CCDC146: variants seen among roughly 807,000 people sequenced by gnomAD.
CCDC146 encodes coiled-coil domain containing 146.
Under a neutral mutation model 119.3 loss-of-function variants are expected in CCDC146, and 92 were observed. The observed-to-expected ratio is 0.77, with a 90% CI of 0.65 to 0.92. The LOEUF is 0.92. Ranked by LOEUF, CCDC146 falls within the 40% of genes least tolerant of loss-of-function variation. The probability of loss-of-function intolerance (pLI) is 0.00; values close to 1 mark genes in which losing one functional copy is unlikely to be tolerated. For synonymous variants in CCDC146, 372 were observed against 371.8 expected (o/e 1.00, Z -0.01); for missense variants, 1,000 against 1,103.0 (o/e 0.91, Z 1.32).
At position 77,282,749 on chromosome 7, in the gene CCDC146, G is replaced by A; in HGVS notation, c.2112G>A (p.Arg704=). Residue 704 remains arginine (R), a synonymous_variant, in exon 15 of 19, where the codon AGG becomes AGA. Coordinates refer to ENST00000285871, the MANE Select transcript of CCDC146 (RefSeq NM_020879.3). ...CVTQKLLPAK[R]SLDADLAVLQ... is the part of the protein sequence containing the mutation. ...CCCAGAAATTACTGCCAGCCAAGAG[G>A]TCCCTGGATGCCGACCTAGCTGTGC... 1 of 1,614,166 alleles carries A rather than the reference G, an allele frequency of 6.2e-7. No homozygotes were observed. Among genetic ancestry groups the A allele is most frequent in the South Asian group, 1.1e-5 (1 of 91,084 alleles).
chr7:77,236,376 G>C (rs1436992073), intron 2 of CCDC146, among the ~76,000 whole-genome samples: 1 of 152,316 alleles, frequency 6.6e-6, no homozygotes. Context: ...AGAGGCAAAG[G>C]CATCACGGTA....
At chr7:77,260,327 T>A (rs1793268800) in intron 8 of CCDC146, 91 bp downstream of exon 8, 3 of 829,894 alleles carry the variant, frequency 3.6e-6, no homozygotes, top group Admixed American at 3.2e-5. Context: ...GGTGTTGAGT[T>A]AATAAATATT....
intron 4 of CCDC146, among the ~76,000 whole-genome samples, chr7:77,254,188 A>G (rs1030062318): frequency 2.0e-5 from 3 of 152,218 alleles, no homozygotes; most frequent in Admixed American, 6.5e-5. Flanking sequence ...CGCCCATTCC[A>G]AGTAACATAA....
rs546273662 is a variant in CCDC146 at position 77,164,510 on chromosome 7, C to G, written c.-11-3148C>G. 5.9e-5 allele frequency among the ~76,000 whole-genome samples: 9 copies of G among 152,234 alleles called. No individual in the cohort carries two copies. The East Asian group carries it at 1.7e-3, about 29-fold the overall frequency. Reference sequence around the variant, plus strand: ...TTAACATCACATAACAACAGACAATCAGATATTTGGAGCCTCCTGATGGAA... The same window carrying G: ...TTAACATCACATAACAACAGACAATGAGATATTTGGAGCCTCCTGATGGAA... On this transcript the variant is annotated intron_variant, in intron 1 of 18. Transcript: ENST00000285871.
intron 2 of CCDC146, among the ~76,000 whole-genome samples, chr7:77,201,529 G>C (rs895006504): frequency 1.3e-5 from 2 of 151,534 alleles, no homozygotes; most frequent in South Asian, 4.2e-4. Flanking sequence ...ACTCCAGCCT[G>C]GGCAATAAGA....
At chr7:77,166,273 G>T (rs1390227606) in intron 1 of CCDC146, among the ~76,000 whole-genome samples, 1 of 152,152 alleles carries the variant, frequency 6.6e-6, no homozygotes, top group Non-Finnish European at 1.5e-5. Flanking sequence ...TTAGAAAATT[G>T]TTCTATGAGA....
Position 77,260,120 on chromosome 7 carries a change from A to C in CCDC146, c.870A>C (p.Val290=), listed in dbSNP as rs759061472. 4 of 1,613,968 alleles carry C rather than the reference A, an allele frequency of 2.5e-6. No homozygotes were observed. In the African/African-American group the frequency reaches 4.0e-5, roughly 16 times the overall value. ...VSAIVDEKEN[V]IKEVEGKRAL... ...CTATAGTGGATGAGAAGGAAAATGT[A>C]ATAAAGGAAGTTGAAGGCAAACGAG... The change falls in exon 8 of 19, where the codon GTA becomes GTC. Residue 290 remains valine (V), a synonymous_variant. Transcript: ENST00000285871.
intron 2 of CCDC146, among the ~76,000 whole-genome samples, chr7:77,185,904 T>C (rs1013461150): frequency 3.9e-5 from 6 of 152,162 alleles, no homozygotes. Context: ...TAAGAATCTA[T>C]TGATCATGAG....
Position 77,241,920 on chromosome 7 carries a change from C to G in CCDC146, c.449+20C>G, listed in dbSNP as rs199740045. 1 of 1,563,880 alleles carries G rather than the reference C, an allele frequency of 6.4e-7. No homozygotes were observed. Among genetic ancestry groups the G allele is most frequent in the Non-Finnish European group, 8.8e-7 (1 of 1,136,980 alleles). ...AAATAGGTAAGTGCACAGTTCTCTC[C>G]GGCACACTGAAAAGTCTTTTCCTCA... On this transcript the variant is annotated intron_variant, in intron 4 of 18. Coordinates refer to ENST00000285871, the MANE Select transcript of CCDC146 (RefSeq NM_020879.3).
At chr7:77,183,513 T>C (rs1358790470) in intron 2 of CCDC146, among the ~76,000 whole-genome samples, 1 of 152,132 alleles carries the variant, frequency 6.6e-6, no homozygotes, top group Non-Finnish European at 1.5e-5. Context: ...AAATTAGACA[T>C]ATTATTGTTT....
intron 1 of CCDC146, among the ~76,000 whole-genome samples, chr7:77,127,444 C>T (rs1245392316): frequency 3.3e-5 from 5 of 152,124 alleles, no homozygotes; most frequent in Non-Finnish European, 1.5e-5. Flanking sequence ...CTGCAGCCAG[C>T]GTGATGGCAC....
intron 1 of CCDC146, among the ~76,000 whole-genome samples, chr7:77,161,378 G>A (rs1197261719): frequency 6.6e-6 from 1 of 151,576 alleles, no homozygotes; most frequent in East Asian, 1.9e-4. Context: ...CAAAGACTTG[G>A]AACCAACCCA....
rs758210298 is a variant in CCDC146, at chr7:77,294,692, G to A, written c.2694G>A (p.Leu898=). Residue 898 remains leucine, a synonymous_variant, in exon 19 of 19, where the codon CTG becomes CTA. Transcript: ENST00000285871. ...QEFLEADNRQ[L]PNGVYTTAEQ... ...TCTTGGAAGCAGATAATCGCCAGCTGCCCAATGGTGTTTACACAACTGCAG... is the reference window on the plus strand; with the variant it reads ...TCTTGGAAGCAGATAATCGCCAGCTACCCAATGGTGTTTACACAACTGCAG... 5.6e-5 allele frequency: 91 copies of A among 1,614,044 alleles called. No homozygotes were observed. Among genetic ancestry groups the A allele is most frequent in the Non-Finnish European group, 7.5e-5 (88 of 1,180,026 alleles).
chr7:77,201,324 CTGAGATCAGGAGTT>C (rs1332815759), intron 2 of CCDC146, among the ~76,000 whole-genome samples: 1 of 151,644 alleles, frequency 6.6e-6, no homozygotes, highest in Non-Finnish European at 1.5e-5. Context: ...TGTGGATCAC[CTGAGATCAGGAGTT>C]TGAGACCAAC....
chr7:77,141,889 C>A (rs899756659), intron 1 of CCDC146, among the ~76,000 whole-genome samples: 1 of 152,106 alleles, frequency 6.6e-6, no homozygotes, highest in African/African-American at 2.4e-5. Flanking sequence ...ATGATAGTTT[C>A]TTTTGCTGTG....
intron 2 of CCDC146, among the ~76,000 whole-genome samples, chr7:77,176,274 A>G (rs1411677698): frequency 1.3e-5 from 2 of 151,078 alleles, no homozygotes; most frequent in Non-Finnish European, 2.9e-5. Flanking sequence ...TTCCATTCCT[A>G]CCATCTCACC....
At chr7:77,233,734 C>G (rs998769491) in intron 2 of CCDC146, among the ~76,000 whole-genome samples, 3 of 152,200 alleles carry the variant, frequency 2.0e-5, no homozygotes, top group African/African-American at 7.2e-5. Flanking sequence ...GGAGGCAGAG[C>G]TCAGGTGGTA....
chr7:77,155,889 G>T (rs1292413607), intron 1 of CCDC146, among the ~76,000 whole-genome samples: 4 of 152,092 alleles, frequency 2.6e-5, no homozygotes, highest in Non-Finnish European at 5.9e-5. Flanking sequence ...TCAGAAATGA[G>T]TAATACAGAG....
intron 17 of CCDC146, among the ~76,000 whole-genome samples, chr7:77,292,300 AAT>A (rs1491263427): frequency 4.9e-5 from 3 of 61,824 alleles, no homozygotes; most frequent in South Asian, 7.8e-4. Context: ...TCTTTATTTT[AAT>A]TTTTTTTTTT....
Sources: allele counts gnomAD v4.1 joint callset (sites outside exome capture counted in the v4.1 genomes callset), GRCh38; gene constraint gnomAD v4.1.1; transcripts MANE v1.5; gene names NCBI Gene and HGNC (gene_info 2026-07-23, HGNC 2026-07-21).